Variants in MGLL observed in about 807,000 individuals in gnomAD.
MGLL encodes the protein lysophospholipase homolog.
A neutral mutation model predicts 29.1 loss-of-function variants in MGLL; 7 were observed. The observed-to-expected ratio is 0.24, with a 90% CI of 0.14 to 0.45. The LOEUF is 0.45. MGLL is among the 20% of genes least tolerant of loss of function. The pLI, the probability that MGLL is intolerant of heterozygous loss-of-function variation, is 0.99. For synonymous variants in MGLL, 148 were observed against 168.3 expected (o/e 0.88, Z 0.93); for missense variants, 356 against 413.6 (o/e 0.86, Z 1.21).
intron 2 of MGLL, among the ~76,000 whole-genome samples, chr3:127,795,529 G>C (rs2077369375): frequency 6.6e-6 from 1 of 152,114 alleles, no homozygotes; most frequent in South Asian, 2.1e-4. Flanking sequence ...ACCTGCACGT[G>C]TATCCTCTGA....
chr3:127,738,280 G>A, intron 3 of MGLL, among the ~76,000 whole-genome samples: 1 of 150,968 alleles, frequency 6.6e-6, no homozygotes. Context: ...CAGCCTGGGT[G>A]ACAGAGTGAG....
chr3:127,816,576 GAC>G (rs1034918356), intron 2 of MGLL, among the ~76,000 whole-genome samples: 7 of 152,180 alleles, frequency 4.6e-5, no homozygotes, highest in Non-Finnish European at 1.0e-4. Context: ...ATATTACGAG[GAC>G]GCAAGAAGGG....
upstream of MGLL, chr3:127,822,533 C>T (rs911886204): frequency 3.3e-6 from 2 of 600,260 alleles, no homozygotes; most frequent in Non-Finnish European, 5.9e-6. Context: ...CCCTCCCTCC[C>T]CAGGGCGGGG....
At chr3:127,785,554 G>A (rs2077197890) in intron 2 of MGLL, among the ~76,000 whole-genome samples, 1 of 152,254 alleles carries the variant, frequency 6.6e-6, no homozygotes, top group Non-Finnish European at 1.5e-5. Flanking sequence ...TTGCTGGGAG[G>A]CTGTGAACAG....
At chr3:127,738,428 C>T (rs2076281353) in intron 3 of MGLL, among the ~76,000 whole-genome samples, 1 of 152,166 alleles carries the variant, frequency 6.6e-6, no homozygotes. Context: ...TTTCTGGAAT[C>T]ACAATTCTAC....
At chr3:127,748,864 C>A (rs2076503717) in intron 3 of MGLL, among the ~76,000 whole-genome samples, 1 of 152,214 alleles carries the variant, frequency 6.6e-6, no homozygotes, top group Non-Finnish European at 1.5e-5. Flanking sequence ...CTCCACAACT[C>A]TCACTGCCAC....
At chr3:127,712,203 C>G (rs887037772) in intron 5 of MGLL, 1 of 152,272 alleles carries the variant, frequency 6.6e-6, no homozygotes, top group Non-Finnish European at 1.5e-5. Flanking sequence ...GTCTGTGTCT[C>G]TCTCCACAAA....
chr3:127,823,130 TC>T (rs1427769058), upstream of MGLL: 1 of 151,920 alleles, frequency 6.6e-6, no homozygotes, highest in Non-Finnish European at 1.5e-5. Flanking sequence ...CAGCGGATCC[TC>T]GTTTGCGGCG....
intron 2 of MGLL, among the ~76,000 whole-genome samples, chr3:127,798,105 C>A (rs2077415168): frequency 6.6e-6 from 1 of 152,322 alleles, no homozygotes; most frequent in Middle Eastern, 3.4e-3. Context: ...CAGGTGGAAA[C>A]CCGATGTACC....
intron 3 of MGLL, among the ~76,000 whole-genome samples, chr3:127,771,547 G>T (rs1457569190): frequency 6.6e-6 from 1 of 151,996 alleles, no homozygotes; most frequent in African/African-American, 2.4e-5. Context: ...TAAGAGACAG[G>T]GTTTTGACAT....
At chr3:127,700,325 T>C (rs1427641223) in intron 6 of MGLL, among the ~76,000 whole-genome samples, 1 of 152,212 alleles carries the variant, frequency 6.6e-6, no homozygotes, top group African/African-American at 2.4e-5. Flanking sequence ...GAGAGAATCC[T>C]CCTGTGATGG....
intron 2 of MGLL, among the ~76,000 whole-genome samples, chr3:127,806,177 A>G (rs1340623783): frequency 6.6e-6 from 1 of 152,208 alleles, no homozygotes; most frequent in Non-Finnish European, 1.5e-5. Context: ...TAGCTTCTCC[A>G]GGCAAATCAC....
At chr3:127,778,002 C>T (rs995384896) in intron 3 of MGLL, among the ~76,000 whole-genome samples, 6 of 152,160 alleles carry the variant, frequency 3.9e-5, no homozygotes, top group East Asian at 1.9e-4. Flanking sequence ...AAATTAGATG[C>T]TTATTGAACA....
intron 2 of MGLL, among the ~76,000 whole-genome samples, chr3:127,804,814 C>T (rs2077537878): frequency 1.3e-5 from 2 of 152,156 alleles, no homozygotes; most frequent in Admixed American, 1.3e-4. Context: ...GGGCCAGGGT[C>T]CACTGGGGGT....
intron 2 of MGLL, among the ~76,000 whole-genome samples, chr3:127,785,535 A>G (rs574892114): frequency 2.6e-5 from 4 of 152,378 alleles, no homozygotes; most frequent in African/African-American, 9.6e-5. Context: ...GAGGAAATGC[A>G]CATCCCAGTT....
intron 2 of MGLL, among the ~76,000 whole-genome samples, chr3:127,817,959 C>T (rs577852260): frequency 1.3e-5 from 2 of 151,652 alleles, no homozygotes; most frequent in African/African-American, 4.9e-5. Flanking sequence ...GATCCAGTAT[C>T]CCCCCCTTTT....
intron 3 of MGLL, among the ~76,000 whole-genome samples, chr3:127,760,928 A>C (rs950784755): frequency 6.6e-6 from 1 of 152,126 alleles, no homozygotes; most frequent in Non-Finnish European, 1.5e-5. Context: ...CCGTGGAAAA[A>C]ATTATTAGCA....
At chr3:127,751,116 C>A (rs1407081133) in intron 3 of MGLL, among the ~76,000 whole-genome samples, 2 of 152,070 alleles carry the variant, frequency 1.3e-5, no homozygotes, top group African/African-American at 2.4e-5. Flanking sequence ...TGGAGAAAAG[C>A]GAAGATCAGA....
chr3:127,703,059 A>C (rs766930090), intron 6 of MGLL, among the ~76,000 whole-genome samples: 7 of 152,180 alleles, frequency 4.6e-5, no homozygotes, highest in Non-Finnish European at 7.3e-5. Flanking sequence ...AGCCCCGGCA[A>C]ATGGGGAGAG....
Sources: allele counts gnomAD v4.1 joint callset (sites outside exome capture counted in the v4.1 genomes callset), GRCh38; gene constraint gnomAD v4.1.1; transcripts MANE v1.5; gene names NCBI Gene and HGNC (gene_info 2026-07-23, HGNC 2026-07-21).